Variants in CHTF18 observed in about 807,000 individuals in gnomAD.
CHTF18 encodes chromosome transmission fidelity factor 18, also known as chromosome transmission fidelity protein 18 homolog.
A neutral mutation model predicts 113.4 loss-of-function variants in CHTF18; 151 were observed. That is an observed-to-expected ratio of 1.33 (90% CI 1.17 to 1.52). The LOEUF (loss-of-function observed/expected upper bound fraction) is 1.52, where lower values mean the gene tolerates loss of function less well. Ranked by LOEUF, CHTF18 falls within the 40% of genes most tolerant of loss-of-function variation. The pLI, the probability that CHTF18 is intolerant of heterozygous loss-of-function variation, is 0.00. For missense variants in CHTF18, 1,982 were observed against 1,381.6 expected (o/e 1.43, Z -6.89); for synonymous variants, 916 against 598.8 (o/e 1.53, Z -7.74).
chr16:791,671 G>T (rs182412368), intron 8 of CHTF18, 180 bp from the exon 9 acceptor site: 1 of 1,400,864 alleles, frequency 7.1e-7, no homozygotes, highest in East Asian at 2.7e-5. Flanking sequence ...CTTTGTGTAG[G>T]TTTTTTTTTC....
rs573924314 is a variant in CHTF18 at position 796,711 on chromosome 16, G to A, written c.2457-6G>A. ...ACCTGCCCTGGTGTCCCCCTGTGCT[G>A]AGCAGGAACGTGGAGGAACTCTGCC... On this transcript the variant is annotated splice_polypyrimidine_tract_variant and splice_region_variant and intron_variant, in intron 18 of 21. Coordinates refer to ENST00000262315, the MANE Select transcript of CHTF18 (RefSeq NM_022092.3). 4 of 1,596,854 alleles carry A rather than the reference G, an allele frequency of 2.5e-6. No individual in the cohort carries two copies. The East Asian group carries it at 8.9e-5, about 36-fold the overall frequency.
rs781235003 is a variant in CHTF18, at chr16:791,386, T to C, written c.1104+16T>C. 3.8e-6 allele frequency: 6 copies of C among 1,584,952 alleles called. No individual in the cohort carries two copies. The highest frequency in any genetic ancestry group is 5.1e-6 in the Non-Finnish European group (6 of 1,169,180). On this transcript the variant is annotated intron_variant, in intron 8 of 21. Coordinates refer to ENST00000262315, the MANE Select transcript of CHTF18 (RefSeq NM_022092.3). ...GAAGCAGAAGGTGAGCCCCGCTGGC[T>C]GTGCCGCCGGGAACAAGCCTGAGGC...
chr16:798,021 C>T lies in CHTF18; in HGVS notation c.*46C>T, dbSNP rs201570151. On this transcript the variant is annotated 3_prime_UTR_variant, in exon 22 of 22. Coordinates refer to ENST00000262315, the MANE Select transcript of CHTF18 (RefSeq NM_022092.3). ...CCCTCGCATTGCTTCCCGCAGAGTGCAGAGACAGGAAGCTGGAGATGTCTT... is the reference window on the plus strand; with the variant it reads ...CCCTCGCATTGCTTCCCGCAGAGTGTAGAGACAGGAAGCTGGAGATGTCTT... The T allele has an allele frequency of 1.8e-5, 28 of 1,578,820 alleles. No individual in the cohort carries two copies. The highest frequency in any genetic ancestry group is 2.3e-5 in the East Asian group (1 of 44,364).
Position 791,359 on chromosome 16 carries a change from C to T in CHTF18, c.1093C>T (p.Pro365Ser). The T allele has an allele frequency of 6.2e-7, 1 of 1,603,238 alleles. No individual in the cohort carries two copies. Among genetic ancestry groups the T allele is most frequent in the Admixed American group, 1.7e-5 (1 of 59,600 alleles). ...GGCTGGGCTGGACCCGAGCCAGCGA[C>T]CGAAGCAGAAGGTGAGCCCCGCTGG... ...LEAGLDPSQR[P>S]KQKVALLCGP... Residue 365 changes from proline to serine, a missense_variant, in exon 8 of 22, where the codon CCG (proline) becomes TCG (serine). By Grantham distance (74) the Pro-to-Ser change is moderately conservative. Transcript: ENST00000262315.
intron 18 of CHTF18, 29 bp downstream of exon 18, chr16:796,106 C>T: frequency 6.3e-7 from 1 of 1,587,262 alleles, no homozygotes; most frequent in Non-Finnish European, 8.6e-7. Context: ...GGGGTGTGCT[C>T]CAGGGTCATG....
Position 797,912 on chromosome 16 carries a change from C to G in CHTF18, c.2865C>G (p.Phe955Leu). Residue 955 changes from phenylalanine (F) to leucine (L), a missense_variant, in exon 22 of 22, where the codon TTC becomes TTG. Transcript: ENST00000262315. ...CGGTGGGCAGGAGCGAGGTCTGGTT[C>G]CGCTTCAACGAGGGTGTCTCCAACG... is the stretch of plus-strand genomic sequence containing the variant. ...GTAVGRSEVWFRFNEGVSNAV... is the reference protein window; with the variant it reads ...GTAVGRSEVWLRFNEGVSNAV... 6.2e-7 allele frequency: 1 copy of G among 1,612,124 alleles called. No homozygotes were observed. The highest frequency in any genetic ancestry group is 1.1e-5 in the South Asian group (1 of 90,968).
Position 790,197 on chromosome 16 carries a change from A to C in CHTF18, c.627A>C (p.Pro209=). ...CACAGGGCTCTCTCCTCCACGTCCC[A>C]TGGCGAGGCGGTGGCCAGCTGGACC... The part of the protein sequence containing the change: ...PGVQGSLLHV[P]WRGGGQLDLL... The change falls in exon 5 of 22, where the codon CCA becomes CCC. Residue 209 remains proline, a synonymous_variant. Transcript: ENST00000262315. 1 of 1,603,070 alleles carries C rather than the reference A, an allele frequency of 6.2e-7. No homozygotes were observed. Among genetic ancestry groups the C allele is most frequent in the Non-Finnish European group, 8.5e-7 (1 of 1,175,774 alleles).
At position 789,801 on chromosome 16, in the gene CHTF18, C is replaced by T. The variant is rs1014240742; in HGVS notation, c.606+86C>T. ...TGGAGCCCCTCACCCCTGCCATTTGCTTAAAGCGGGTCCTGTGCAGAGCCC... is the reference window on the plus strand; with the variant it reads ...TGGAGCCCCTCACCCCTGCCATTTGTTTAAAGCGGGTCCTGTGCAGAGCCC... On this transcript the variant is annotated intron_variant, in intron 4 of 21. Transcript: ENST00000262315. 2.9e-5 allele frequency: 42 copies of T among 1,435,932 alleles called. No homozygotes were observed. In the Admixed American group the frequency reaches 3.5e-4, roughly 12 times the overall value. The allele number at this position is 1,435,932 out of a possible 1,614,324, so 88.9% of individuals were successfully genotyped here. A position where few individuals can be genotyped will look rare whatever the true frequency, so the allele number is the denominator to read the frequency against.
chr16:792,718 G>T lies in CHTF18; in HGVS notation c.1479G>T (p.Gln493His), dbSNP rs1286622531. ...CCCTGGCCCTGCCGCCTCTCCTCAG[G>T]TTCGCACCGTCCCTGCGGCAGCTGA... is the stretch of plus-strand genomic sequence containing the variant. Reference protein sequence around the residue: ...MRPIICICNDQFAPSLRQLKQ... With the variant: ...MRPIICICNDHFAPSLRQLKQ... Residue 493 changes from glutamine (Q) to histidine (H), a missense_variant and splice_region_variant, in exon 12 of 22, where the codon CAG becomes CAT. Gln to His is a conservative substitution (Grantham distance 24, BLOSUM62 0). Transcript: ENST00000262315. 7.0e-6 allele frequency: 11 copies of T among 1,564,412 alleles called. No homozygotes were observed. Among genetic ancestry groups the T allele is most frequent in the Admixed American group, 1.9e-5 (1 of 53,716 alleles).
intron 9 of CHTF18, 43 bp from the exon 10 acceptor site, chr16:792,181 G>A: frequency 1.3e-6 from 2 of 1,545,206 alleles, no homozygotes; most frequent in Non-Finnish European, 1.7e-6. Context: ...TGCCCTGCCA[G>A]GGACGCCCAC....
Position 795,114 on chromosome 16 carries a change from G to A in CHTF18, c.1951-18G>A, listed in dbSNP as rs1484731809. 15 of 1,532,726 alleles carry A rather than the reference G, an allele frequency of 9.8e-6. No homozygotes were observed. The highest frequency in any genetic ancestry group is 2.5e-5 in the East Asian group (1 of 40,782). The allele number at this position is 1,532,726 out of a possible 1,614,324, so 94.9% of individuals were successfully genotyped here. On this transcript the variant is annotated intron_variant, in intron 15 of 21. Coordinates refer to ENST00000262315, the MANE Select transcript of CHTF18 (RefSeq NM_022092.3). ...CCCTGGGGTGGGCAGGAGCTCAGGG[G>A]TTGCCGGCCGCCTGCAGGGCTTGTT... is the stretch of plus-strand genomic sequence containing the variant.
intron 8 of CHTF18, chr16:791,644 T>C: frequency 7.0e-7 from 1 of 1,429,728 alleles, no homozygotes; most frequent in Non-Finnish European, 9.1e-7. Flanking sequence ...AGCTGTGTTT[T>C]GTCTGCACGA....
intron 20 of CHTF18, 23 bp from the exon 21 acceptor site, chr16:797,671 T>G (rs1157088624): frequency 1.2e-6 from 2 of 1,611,000 alleles, no homozygotes; most frequent in Non-Finnish European, 1.7e-6. Flanking sequence ...CCTATACGAC[T>G]GACTAGTCCT....
chr16:789,889 A>G (rs1466446169), intron 4 of CHTF18, 174 bp downstream of exon 4: 4 of 1,359,782 alleles, frequency 2.9e-6, no homozygotes, highest in Admixed American at 4.0e-5. Context: ...GCCTCCCCAC[A>G]GCAGGTTGCT....
At chr16:795,899 ATT>A in intron 17 of CHTF18, 46 bp from the exon 18 acceptor site, 1 of 1,602,874 alleles carries the variant, frequency 6.2e-7, no homozygotes, top group East Asian at 2.2e-5. Context: ...GTGAGCACAC[ATT>A]TGTACAGCCT....
chr16:793,350 A>G, intron 14 of CHTF18, 76 bp downstream of exon 14: 1 of 1,536,646 alleles, frequency 6.5e-7, no homozygotes, highest in Non-Finnish European at 8.8e-7. Context: ...TGTGCAGGCC[A>G]GCACTACCTT....
intron 20 of CHTF18, among the ~76,000 whole-genome samples, chr16:797,481 A>T: frequency 6.6e-6 from 1 of 152,134 alleles, no homozygotes; most frequent in East Asian, 1.9e-4. Flanking sequence ...ATCTGGGCAG[A>T]AGAGTGGCTG....
At position 796,825 on chromosome 16, in the gene CHTF18, G is replaced by A. The variant is rs376285407; in HGVS notation, c.2565G>A (p.Arg855=). ...AGATCGAGGTGGAGAAGATGCGGCG[G>A]GCGGAGGCTTCTGCCCGGGTAGAGA... ...AREIEVEKMR[R]AEASARVENS... is the part of the protein sequence containing the mutation. The change falls in exon 19 of 22, where the codon CGG becomes CGA. Residue 855 remains arginine, a synonymous_variant. Coordinates refer to ENST00000262315, the MANE Select transcript of CHTF18 (RefSeq NM_022092.3). The A allele has an allele frequency of 1.1e-5, 18 of 1,607,696 alleles. No individual in the cohort carries two copies. The African/African-American group carries it at 2.0e-4, about 18-fold the overall frequency.
chr16:794,405 G>A (rs754796082), intron 15 of CHTF18, among the ~76,000 whole-genome samples: 5 of 152,120 alleles, frequency 3.3e-5, no homozygotes, highest in African/African-American at 7.2e-5. Flanking sequence ...GGCACGGGCC[G>A]GCAGGCAAGG....
Sources: gnomAD v4.1 joint callset for allele counts (sites outside exome capture counted in the v4.1 genomes callset) on GRCh38, gnomAD v4.1.1 for gene constraint, MANE v1.5 for transcripts, NCBI Gene and HGNC (gene_info 2026-07-23, HGNC 2026-07-21) for gene names.